Variants in DCUN1D3 observed in about 807,000 individuals in gnomAD.
DCUN1D3 encodes defective in cullin neddylation 1 domain containing 3, also known as DCN1-like protein 3.
In DCUN1D3, 6 loss-of-function variants were observed where a neutral mutation model predicts 24.8. The observed-to-expected ratio is 0.24, with a 90% CI of 0.13 to 0.48. The LOEUF is 0.48. DCUN1D3 is among the 20% of genes least tolerant of loss of function. The pLI, the probability that DCUN1D3 is intolerant of heterozygous loss-of-function variation, is 0.99. For missense variants in DCUN1D3, 258 were observed against 379.4 expected (o/e 0.68, Z 2.66); for synonymous variants, 120 against 144.9 (o/e 0.83, Z 1.24).
At chr16:20,871,577 A>C (rs2081788391) in intron 1 of DCUN1D3, among the ~76,000 whole-genome samples, 1 of 152,200 alleles carries the variant, frequency 6.6e-6, no homozygotes, top group East Asian at 1.9e-4. Flanking sequence ...TCAGGACTGA[A>C]GCCAGTGTGG....
chr16:20,861,604 G>A (rs968208073), intron 2 of DCUN1D3, among the ~76,000 whole-genome samples: 1 of 152,140 alleles, frequency 6.6e-6, no homozygotes, highest in Admixed American at 6.5e-5. Flanking sequence ...CAGTGGGGCC[G>A]AGCAGCAACT....
intron 1 of DCUN1D3, among the ~76,000 whole-genome samples, chr16:20,885,688 C>T (rs951260787): frequency 3.3e-4 from 50 of 152,196 alleles, no homozygotes; most frequent in African/African-American, 1.2e-3. Context: ...TACTACTACT[C>T]GTTTCCCTTC....
rs1316492930 is a variant in DCUN1D3 at position 20,860,975 on chromosome 16, T to C, written c.432-606A>G. 6.6e-6 allele frequency among the ~76,000 whole-genome samples: 1 copy of C among 152,226 alleles called. No homozygotes were observed. The highest frequency in any genetic ancestry group is 2.4e-5 in the African/African-American group (1 of 41,456). On this transcript the variant is annotated intron_variant, in intron 2 of 2. Transcript: ENST00000324344. This position sits in a 1 kb window ranked among gnomAD's most constrained non-coding sequence, Gnocchi z 4.3. ...GATCGTCTTCTCAGGGACTGTAGTA[T>C]CTGCTGAAGAGGTGAGGCCTCTGAG...
rs568896471 is a variant in DCUN1D3 at position 20,891,942 on chromosome 16, A to G, written c.-106+8262T>C. On this transcript the variant is annotated intron_variant, in intron 1 of 2. Coordinates refer to ENST00000324344, the MANE Select transcript of DCUN1D3 (RefSeq NM_173475.4). ...CTCTGTCCCCAGTAAGTGCACTGTTAGTATTTTGCAGCCTCTCCCAGCTAG... is the reference window on the plus strand; with the variant it reads ...CTCTGTCCCCAGTAAGTGCACTGTTGGTATTTTGCAGCCTCTCCCAGCTAG... Among the ~76,000 whole-genome samples the G allele has an allele frequency of 2.0e-5, 3 of 152,026 alleles. No homozygotes were observed. The South Asian group carries it at 6.3e-4, about 32-fold the overall frequency.
chr16:20,861,884 C>T (rs1271306855), intron 2 of DCUN1D3, among the ~76,000 whole-genome samples: 1 of 152,168 alleles, frequency 6.6e-6, no homozygotes, highest in African/African-American at 2.4e-5. Context: ...GCTGCAGAGC[C>T]AGAGAGATAT....
At chr16:20,885,180 T>C (rs1567428879) in intron 1 of DCUN1D3, among the ~76,000 whole-genome samples, 1 of 152,068 alleles carries the variant, frequency 6.6e-6, no homozygotes, top group Non-Finnish European at 1.5e-5. Context: ...TTCACCATGT[T>C]GGCCAGGATG....
intron 1 of DCUN1D3, among the ~76,000 whole-genome samples, chr16:20,864,921 G>A (rs556356326): frequency 2.0e-5 from 3 of 152,162 alleles, no homozygotes; most frequent in African/African-American, 4.8e-5. Context: ...TATAAAGTGC[G>A]AGCTAAATGA....
intron 1 of DCUN1D3, among the ~76,000 whole-genome samples, chr16:20,873,272 T>A (rs2081798529): frequency 6.6e-6 from 1 of 152,190 alleles, no homozygotes; most frequent in Non-Finnish European, 1.5e-5. Context: ...TTTCCTCAAT[T>A]TATTCTTTCA....
At chr16:20,882,385 TG>T (rs941495793) in intron 1 of DCUN1D3, among the ~76,000 whole-genome samples, 54 of 151,918 alleles carry the variant, frequency 3.6e-4, no homozygotes, top group African/African-American at 1.2e-3. Flanking sequence ...CCCGAGTAGC[TG>T]GGATTACAGG....
At chr16:20,887,439 T>C (rs1165904350) in intron 1 of DCUN1D3, among the ~76,000 whole-genome samples, 1 of 152,182 alleles carries the variant, frequency 6.6e-6, no homozygotes, top group Non-Finnish European at 1.5e-5. Flanking sequence ...AAATTACAAG[T>C]GTAACCAAAG....
chr16:20,893,112 G>T (rs374196169), intron 1 of DCUN1D3, among the ~76,000 whole-genome samples: 5 of 152,102 alleles, frequency 3.3e-5, no homozygotes, highest in Middle Eastern at 3.2e-3. Context: ...TGCAGAGAAG[G>T]CCTGATTCTA....
At chr16:20,895,608 T>C (rs2081911881) in intron 1 of DCUN1D3, among the ~76,000 whole-genome samples, 1 of 152,188 alleles carries the variant, frequency 6.6e-6, no homozygotes, top group South Asian at 2.1e-4. Flanking sequence ...GGGATGTAAA[T>C]ATGTTACGCT....
In DCUN1D3 at chr16:20,862,009, A is replaced by G. The variant is rs1248567234; in HGVS notation, c.431+99T>C. On this transcript the variant is annotated intron_variant, in intron 2 of 2. Coordinates refer to ENST00000324344, the MANE Select transcript of DCUN1D3 (RefSeq NM_173475.4). ...AAAATAAAAACTTACCCAAAACCCTATGAAGCCAACCCAGTCCTATCCTAG... is the reference window on the plus strand; with the variant it reads ...AAAATAAAAACTTACCCAAAACCCTGTGAAGCCAACCCAGTCCTATCCTAG... 7 of 1,346,348 alleles carry G rather than the reference A, an allele frequency of 5.2e-6. No homozygotes were observed. In the South Asian group the frequency reaches 6.9e-5, roughly 13 times the overall value. 83.4% of individuals were successfully genotyped at this position (1,346,348 alleles called of 1,614,324 possible).
At position 20,886,211 on chromosome 16, in the gene DCUN1D3, C is replaced by T. The variant is rs117147344; in HGVS notation, c.-106+13993G>A. ...CAAGTCTTTATTTTTTTGCCTGAGA[C>T]TTCTGAAGGCAAGTCTTTAAGTCCT... On this transcript the variant is annotated intron_variant, in intron 1 of 2. Transcript: ENST00000324344. Among the ~76,000 whole-genome samples the T allele has an allele frequency of 3.7e-3, 570 of 152,114 alleles. 2 individuals are homozygous for T. Among genetic ancestry groups the T allele is most frequent in the Middle Eastern group, 6.8e-3 (2 of 294 alleles).
chr16:20,887,945 A>G (rs1442919442), intron 1 of DCUN1D3, among the ~76,000 whole-genome samples: 1 of 152,208 alleles, frequency 6.6e-6, no homozygotes, highest in Non-Finnish European at 1.5e-5. Context: ...TTCAGGAGGA[A>G]GATTTTCCAT....
At chr16:20,899,019 C>G (rs1303421339) in intron 1 of DCUN1D3, among the ~76,000 whole-genome samples, 1 of 152,194 alleles carries the variant, frequency 6.6e-6, no homozygotes, top group African/African-American at 2.4e-5. Flanking sequence ...ATCACACTGT[C>G]TCATTTAGGA....
At chr16:20,880,848 A>G (rs1338364935) in intron 1 of DCUN1D3, among the ~76,000 whole-genome samples, 1 of 152,136 alleles carries the variant, frequency 6.6e-6, no homozygotes, top group Non-Finnish European at 1.5e-5. Context: ...ACACATATCA[A>G]CTAATAAAAC....
At chr16:20,899,034 C>T (rs934584428) in intron 1 of DCUN1D3, among the ~76,000 whole-genome samples, 4 of 152,232 alleles carry the variant, frequency 2.6e-5, no homozygotes, top group Non-Finnish European at 5.9e-5. Flanking sequence ...TTAGGACCCC[C>T]ATACACAAAG....
At chr16:20,884,401 C>T (rs1213443491) in intron 1 of DCUN1D3, among the ~76,000 whole-genome samples, 4 of 152,162 alleles carry the variant, frequency 2.6e-5, no homozygotes, top group Non-Finnish European at 5.9e-5. Context: ...TGTCACAACT[C>T]GGCCCCTCCC....
Sources: allele counts gnomAD v4.1 joint callset (sites outside exome capture counted in the v4.1 genomes callset), GRCh38; gene constraint gnomAD v4.1.1; non-coding constraint Gnocchi (gnomAD v3.1); transcripts MANE v1.5; gene names NCBI Gene and HGNC (gene_info 2026-07-23, HGNC 2026-07-21).